Variants in CDK6 observed in about 807,000 individuals in gnomAD.
CDK6 encodes the protein cyclin dependent kinase 6.
A neutral mutation model predicts 37.1 loss-of-function variants in CDK6; 6 were observed. That is an observed-to-expected ratio of 0.16 (90% CI 0.09 to 0.32). The LOEUF is 0.32. Among genes scored for constraint, CDK6 ranks in the 10% least tolerant of loss-of-function variants. The pLI is 1.00. For synonymous variants in CDK6, 160 were observed against 161.3 expected (o/e 0.99, Z 0.06); for missense variants, 224 against 418.9 (o/e 0.53, Z 4.06).
chr7:92,748,088 T>G (rs1799102303), intron 3 of CDK6, among the ~76,000 whole-genome samples: 1 of 152,194 alleles, frequency 6.6e-6, no homozygotes, highest in African/African-American at 2.4e-5. Context: ...ATTCTTAAAA[T>G]TAAATCTCTA....
At chr7:92,816,172 C>T (rs1489416658) in intron 2 of CDK6, among the ~76,000 whole-genome samples, 3 of 152,148 alleles carry the variant, frequency 2.0e-5, no homozygotes, top group African/African-American at 7.2e-5. Flanking sequence ...TCCAATAACA[C>T]ATTATTAGAC....
intron 5 of CDK6, among the ~76,000 whole-genome samples, chr7:92,625,391 T>G (rs983586477): frequency 1.3e-5 from 2 of 152,124 alleles, no homozygotes; most frequent in Middle Eastern, 3.4e-3. Flanking sequence ...GTCTTTCCTC[T>G]GGGGTCACTA....
chr7:92,649,210 A>C (rs1796514538), intron 5 of CDK6, among the ~76,000 whole-genome samples: 2 of 152,236 alleles, frequency 1.3e-5, no homozygotes, highest in Non-Finnish European at 2.9e-5. Flanking sequence ...CGATCATTTC[A>C]CAGCATGCCC....
intron 4 of CDK6, among the ~76,000 whole-genome samples, chr7:92,691,110 G>C (rs536741008): frequency 1.3e-5 from 2 of 152,284 alleles, no homozygotes; most frequent in African/African-American, 4.8e-5. Flanking sequence ...CAGCAAATGA[G>C]AAGACATTTA....
Position 92,605,792 on chromosome 7 carries a change from G to A in CDK6, c.*9348C>T, listed in dbSNP as rs1440668956. 1.7e-5 allele frequency: 4 copies of A among 233,166 alleles called. No homozygotes were observed. Among genetic ancestry groups the A allele is most frequent in the East Asian group, 1.2e-4 (2 of 16,594 alleles). The allele number at this position is 233,166 out of a possible 1,614,324, so 14.4% of individuals were successfully genotyped here. On this transcript the variant is annotated 3_prime_UTR_variant, in exon 8 of 8. Coordinates refer to ENST00000424848, the MANE Select transcript of CDK6 (RefSeq NM_001145306.2). ...GCCATTTTTCTTAGAGGGCAAAAAC[G>A]TTAGAATAGGTAGGAAGGTTCTTGC...
intron 4 of CDK6, among the ~76,000 whole-genome samples, chr7:92,723,409 C>T (rs1311845308): frequency 6.6e-6 from 1 of 152,046 alleles, no homozygotes; most frequent in Non-Finnish European, 1.5e-5. Flanking sequence ...TGACATAACC[C>T]ACTAAAAAAT....
intron 2 of CDK6, among the ~76,000 whole-genome samples, chr7:92,816,998 G>A (rs775910183): frequency 6.6e-6 from 1 of 151,704 alleles, no homozygotes; most frequent in Non-Finnish European, 1.5e-5. Flanking sequence ...ATTATAAAAG[G>A]TGATCTAACC....
chr7:92,831,632 T>C (rs775047655), intron 2 of CDK6, among the ~76,000 whole-genome samples: 5 of 152,244 alleles, frequency 3.3e-5, no homozygotes, highest in African/African-American at 4.8e-5. Flanking sequence ...GGTTTTTATA[T>C]ATAATCTCAT....
intron 2 of CDK6, among the ~76,000 whole-genome samples, chr7:92,790,143 T>C (rs535548119): frequency 6.6e-6 from 1 of 152,272 alleles, no homozygotes; most frequent in East Asian, 1.9e-4. Flanking sequence ...TCTGAACATC[T>C]CAATTTCAAA....
At chr7:92,783,471 ATTGC>A (rs1239106987) in intron 2 of CDK6, among the ~76,000 whole-genome samples, 1 of 152,198 alleles carries the variant, frequency 6.6e-6, no homozygotes, top group Non-Finnish European at 1.5e-5. Context: ...CAAAATCAAC[ATTGC>A]TTATTTACTA....
At chr7:92,782,311 T>C (rs992910624) in intron 2 of CDK6, among the ~76,000 whole-genome samples, 9 of 152,220 alleles carry the variant, frequency 5.9e-5, no homozygotes, top group African/African-American at 2.2e-4. Context: ...TCCTATTAAG[T>C]AAACCACAGA....
chr7:92,636,823 GCTGA>G (rs927393941), intron 5 of CDK6, among the ~76,000 whole-genome samples: 13 of 152,192 alleles, frequency 8.5e-5, no homozygotes, highest in Admixed American at 5.2e-4. Flanking sequence ...GCGCCACCAT[GCTGA>G]CTAATTTTTG....
Position 92,605,380 on chromosome 7 carries a change from C to T in CDK6, c.*9760G>A. 4.3e-6 allele frequency: 1 copy of T among 233,382 alleles called. No homozygotes were observed. The highest frequency in any genetic ancestry group is 5.6e-5 in the Admixed American group (1 of 17,786). The allele number at this position is 233,382 out of a possible 1,614,324, so 14.5% of individuals were successfully genotyped here. On this transcript the variant is annotated 3_prime_UTR_variant, in exon 8 of 8. Coordinates refer to ENST00000424848, the MANE Select transcript of CDK6 (RefSeq NM_001145306.2). ...TTTCCCAATAAGTCAGAGTAAGGGG[C>T]AGGTAAGAATGGCTATCTGACTTCA...
chr7:92,809,905 T>C (rs1448019156), intron 2 of CDK6, among the ~76,000 whole-genome samples: 1 of 152,148 alleles, frequency 6.6e-6, no homozygotes, highest in Non-Finnish European at 1.5e-5. Flanking sequence ...ATATGCAACA[T>C]CCTCGTCAGC....
intron 2 of CDK6, among the ~76,000 whole-genome samples, chr7:92,782,059 C>T (rs978725565): frequency 1.3e-5 from 2 of 152,146 alleles, no homozygotes; most frequent in African/African-American, 2.4e-5. Flanking sequence ...AAGCAAATTG[C>T]GATTTCAGCA....
intron 2 of CDK6, among the ~76,000 whole-genome samples, chr7:92,822,008 C>G (rs1254018981): frequency 6.6e-6 from 1 of 151,884 alleles, no homozygotes; most frequent in Admixed American, 6.6e-5. Flanking sequence ...CTTGTAAGGA[C>G]AGCTATGGCC....
Position 92,742,340 on chromosome 7 carries a change from C to G in CDK6, c.370-16547G>C, listed in dbSNP as rs566849633. On this transcript the variant is annotated intron_variant, in intron 3 of 7. Coordinates refer to ENST00000424848, the MANE Select transcript of CDK6 (RefSeq NM_001145306.2). ...TCTGTTATGTTTGTCAGAATCAGCA[C>G]ACAGCACCTTTCAAAAATGTTTTCT... 4.3e-4 allele frequency among the ~76,000 whole-genome samples: 66 copies of G among 152,270 alleles called. 2 individuals are homozygous for G. In the South Asian group the frequency reaches 0.01, roughly 23 times the overall value.
intron 2 of CDK6, among the ~76,000 whole-genome samples, chr7:92,794,522 T>C (rs1800358874): frequency 6.6e-6 from 1 of 152,116 alleles, no homozygotes; most frequent in Non-Finnish European, 1.5e-5. Context: ...ATGTGCGTGA[T>C]TTTTGTGCTG....
chr7:92,618,288 A>G, intron 6 of CDK6, 81 bp from the exon 7 acceptor site: 1 of 1,449,014 alleles, frequency 6.9e-7, no homozygotes, highest in South Asian at 1.2e-5. Context: ...AGAAAGGCAA[A>G]ATCTAAGGGG....
Sources: gnomAD v4.1 joint callset for allele counts (sites outside exome capture counted in the v4.1 genomes callset) on GRCh38, gnomAD v4.1.1 for gene constraint, MANE v1.5 for transcripts, NCBI Gene and HGNC (gene_info 2026-07-23, HGNC 2026-07-21) for gene names.